Variants in CIB3 observed in about 807,000 individuals in gnomAD.
The protein encoded by CIB3 is calcium and integrin-binding family member 3.
A neutral mutation model predicts 23.4 loss-of-function variants in CIB3; 22 were observed. The ratio of observed to expected loss-of-function variants is 0.94; its 90% CI spans 0.67 to 1.34. The LOEUF (loss-of-function observed/expected upper bound fraction) is 1.34, where lower values mean the gene tolerates loss of function less well. Ranked by LOEUF, CIB3 falls within the 40% of genes most tolerant of loss-of-function variation. CIB3 has a pLI of 0.00. For missense variants in CIB3, 258 were observed against 247.3 expected (o/e 1.04, Z -0.29); for synonymous variants, 93 against 95.8 (o/e 0.97, Z 0.17).
chr19:16,168,169 T>C lies in CIB3; in HGVS notation c.314A>G (p.Asp105Gly), dbSNP rs765024701. ...TTTAAAAGCATAGTAAGCCTTGAGG[T>C]CGCGGGGAGCCATTTCACTCATCAC... ...FSVMSEMAPR[D>G]LKAYYAFKIY... Residue 105 changes from aspartate to glycine, a missense_variant, in exon 4 of 6, where the codon GAC becomes GGC. Transcript: ENST00000269878. 1 of 1,610,568 alleles carries C rather than the reference T, an allele frequency of 6.2e-7. No homozygotes were observed. Among genetic ancestry groups the C allele is most frequent in the East Asian group, 2.2e-5 (1 of 44,804 alleles).
chr19:16,173,456 ACTGT>A lies in CIB3; in HGVS notation c.16_19del (p.Thr6SerfsTer22), dbSNP rs753521267. ...CGCTTCCAGCTGCTCGTGTGTGAAGACTGTCTGCTTGTTGCCCATGGTGTGAACC... is the reference window on the plus strand; with the variant it reads ...CGCTTCCAGCTGCTCGTGTGTGAAGACTGCTTGTTGCCCATGGTGTGAACC... On this transcript the variant is annotated frameshift_variant, in exon 1 of 6. Coordinates refer to ENST00000269878, the MANE Select transcript of CIB3 (RefSeq NM_054113.4). LOFTEE classifies it high-confidence loss of function. 7 of 1,614,020 alleles carry A rather than the reference ACTGT, an allele frequency of 4.3e-6. No individual in the cohort carries two copies. The highest frequency in any genetic ancestry group is 2.2e-5 in the East Asian group (1 of 44,870).
intron 2 of CIB3, among the ~76,000 whole-genome samples, chr19:16,172,171 C>T (rs2091330921): frequency 6.6e-6 from 1 of 152,180 alleles, no homozygotes; most frequent in African/African-American, 2.4e-5. Context: ...TTTTGTTTTT[C>T]TGAGGCAGAG....
chr19:16,167,997 G>A lies in CIB3; in HGVS notation c.346+140C>T, dbSNP rs960872281. Reference sequence around the variant, plus strand: ...AGTTAGCAAATAAATGAGGTGGGGAGGCATTGGAGTGGGGTGGAGGACAGG... The same window carrying A: ...AGTTAGCAAATAAATGAGGTGGGGAAGCATTGGAGTGGGGTGGAGGACAGG... On this transcript the variant is annotated intron_variant, in intron 4 of 5. Coordinates refer to ENST00000269878, the MANE Select transcript of CIB3 (RefSeq NM_054113.4). 4.2e-5 allele frequency: 43 copies of A among 1,026,098 alleles called. No homozygotes were observed. In the Admixed American group the frequency reaches 8.5e-4, roughly 20 times the overall value. The allele number at this position is 1,026,098 out of a possible 1,614,324, so 63.6% of individuals were successfully genotyped here. A position where few individuals can be genotyped will look rare whatever the true frequency, so the allele number is the denominator to read the frequency against.
rs1599436782 is a variant in CIB3, at chr19:16,169,300, C to A, written c.198+330G>T. Among the ~76,000 whole-genome samples the A allele has an allele frequency of 2.0e-5, 3 of 151,332 alleles. No homozygotes were observed. The South Asian group carries it at 6.2e-4, about 32-fold the overall frequency. ...CTGGGATTACAGGTGTGCACTACCA[C>A]GCCCAGCTAATTTTTGTATTTTTAG... is the stretch of plus-strand genomic sequence containing the variant. On this transcript the variant is annotated intron_variant, in intron 3 of 5. Coordinates refer to ENST00000269878, the MANE Select transcript of CIB3 (RefSeq NM_054113.4).
chr19:16,173,353 TCTGTTCCCATTTCCCAGA>T (rs2091338685), intron 1 of CIB3, 54 bp downstream of exon 1: 3 of 1,560,092 alleles, frequency 1.9e-6, no homozygotes, highest in Non-Finnish European at 2.7e-6. Context: ...ATGAAGGCAT[TCTGTTCCCATTTCCCAGA>T]CCACGGAACC....
In CIB3 at chr19:16,173,036, C is replaced by G; in HGVS notation, c.86+126G>C. 4 of 1,057,164 alleles carry G rather than the reference C, an allele frequency of 3.8e-6. 1 individual carries two copies. The South Asian group carries it at 6.4e-5, about 17-fold the overall frequency. The allele number at this position is 1,057,164 out of a possible 1,614,324, so 65.5% of individuals were successfully genotyped here. Reference sequence around the variant, plus strand: ...GAAAAGAGAAAGAAAGAAAGAAAGACTACTTACACACACACACACACACAC... The same window carrying G: ...GAAAAGAGAAAGAAAGAAAGAAAGAGTACTTACACACACACACACACACAC... On this transcript the variant is annotated intron_variant, in intron 2 of 5. Transcript: ENST00000269878.
intron 4 of CIB3, among the ~76,000 whole-genome samples, chr19:16,166,259 C>T (rs1297239954): frequency 6.6e-6 from 1 of 152,126 alleles, no homozygotes; most frequent in East Asian, 1.9e-4. Flanking sequence ...CCATTGCACT[C>T]CAGCCTGGGC....
At chr19:16,161,694 TTGAGATGGGGTCTTGCTC>T (rs2091285644) in intron 5 of CIB3, among the ~76,000 whole-genome samples, 1 of 146,650 alleles carries the variant, frequency 6.8e-6, no homozygotes, top group Non-Finnish European at 1.5e-5. Flanking sequence ...TTTTTTTTTT[TTGAGATGGGGTCTTGCTC>T]TGTCTCCCAG....
intron 4 of CIB3, 96 bp downstream of exon 4, chr19:16,168,041 A>AC: frequency 6.8e-7 from 1 of 1,471,970 alleles, no homozygotes; most frequent in Non-Finnish European, 9.1e-7. Context: ...GGGCCTCAAA[A>AC]CCCCTGGGGA....
chr19:16,162,537 A>G (rs2091288828), intron 5 of CIB3, among the ~76,000 whole-genome samples: 1 of 152,174 alleles, frequency 6.6e-6, no homozygotes, highest in Non-Finnish European at 1.5e-5. Flanking sequence ...AGATCACCTG[A>G]GGTCAGGAGT....
chr19:16,161,550 C>A lies in CIB3; in HGVS notation c.543-64G>T. On this transcript the variant is annotated intron_variant, in intron 5 of 5. Transcript: ENST00000269878. Reference sequence around the variant, plus strand: ...GTGGACAACCCCTTTTCCTCCTCCCCCTCAACACGCTCACGGCAAGTCCCT... The same window carrying A: ...GTGGACAACCCCTTTTCCTCCTCCCACTCAACACGCTCACGGCAAGTCCCT... 3.8e-6 allele frequency: 6 copies of A among 1,565,804 alleles called. No homozygotes were observed. In the Admixed American group the frequency reaches 8.5e-5, roughly 22 times the overall value.
intron 5 of CIB3, 59 bp from the exon 6 acceptor site, chr19:16,161,545 C>T: frequency 6.3e-7 from 1 of 1,591,058 alleles, no homozygotes; most frequent in Non-Finnish European, 8.6e-7. Flanking sequence ...CCTTTTCCTC[C>T]TCCCCCTCAA....
At chr19:16,166,577 C>T (rs1391739353) in intron 4 of CIB3, among the ~76,000 whole-genome samples, 4 of 152,164 alleles carry the variant, frequency 2.6e-5, no homozygotes, top group African/African-American at 9.7e-5. Flanking sequence ...TTCATTCATT[C>T]ATTCATCCAT....
intron 4 of CIB3, among the ~76,000 whole-genome samples, chr19:16,165,312 A>AAAG (rs2091301629): frequency 6.6e-6 from 1 of 150,458 alleles, no homozygotes; most frequent in Non-Finnish European, 1.5e-5. Flanking sequence ...AAAAAAAAAA[A>AAAG]GGAACTGAGG....
At chr19:16,168,966 G>A (rs895523276) in intron 3 of CIB3, among the ~76,000 whole-genome samples, 5 of 152,122 alleles carry the variant, frequency 3.3e-5, no homozygotes, top group African/African-American at 1.2e-4. Context: ...GTTCCCCTTG[G>A]AGGCACAAAC....
At chr19:16,173,305 A>G in intron 1 of CIB3, 109 bp from the exon 2 acceptor site, 2 of 1,579,680 alleles carry the variant, frequency 1.3e-6, no homozygotes. Flanking sequence ...TGCCACACAC[A>G]GAGCAGAACC....
chr19:16,169,676 T>C lies in CIB3; in HGVS notation c.152A>G (p.Asp51Gly), dbSNP rs866323974. The change falls in exon 3 of 6, where the codon GAT becomes GGT. Residue 51 changes from aspartate to glycine, a missense_variant. Physicochemically the swap from Asp to Gly is moderately conservative, Grantham distance 94. Coordinates refer to ENST00000269878, the MANE Select transcript of CIB3 (RefSeq NM_054113.4). ...AATGAGCTCGTAGGGCACCTTCACATCGGGGCAGGTGGTATAGTCGAGGGG... is the reference window on the plus strand; with the variant it reads ...AATGAGCTCGTAGGGCACCTTCACACCGGGGCAGGTGGTATAGTCGAGGGG... ...LVPLDYTTCP[D>G]VKVPYELIGS... 6.2e-7 allele frequency: 1 copy of C among 1,613,644 alleles called. No individual in the cohort carries two copies. Among genetic ancestry groups the C allele is most frequent in the African/African-American group, 1.3e-5 (1 of 74,888 alleles).
chr19:16,172,275 C>T (rs2091331434), intron 2 of CIB3, among the ~76,000 whole-genome samples: 1 of 152,206 alleles, frequency 6.6e-6, no homozygotes, highest in Non-Finnish European at 1.5e-5. Flanking sequence ...CTGCCTCAGC[C>T]TCTTGAGTAG....
chr19:16,168,003 G>T, intron 4 of CIB3, 134 bp downstream of exon 4: 1 of 1,116,778 alleles, frequency 9.0e-7, no homozygotes, highest in Non-Finnish European at 1.3e-6. Flanking sequence ...GGGAGGCATT[G>T]GAGTGGGGTG....
Sources: gnomAD v4.1 joint callset for allele counts (sites outside exome capture counted in the v4.1 genomes callset) on GRCh38, gnomAD v4.1.1 for gene constraint, MANE v1.5 for transcripts, NCBI Gene and HGNC (gene_info 2026-07-23, HGNC 2026-07-21) for gene names.